The following CREM variants were observed in gnomAD, a reference collection of about 807,000 sequenced individuals.
CREM encodes cAMP responsive element modulator.
A neutral mutation model predicts 37.3 loss-of-function variants in CREM; 13 were observed. The observed-to-expected ratio is 0.35, with a 90% CI of 0.23 to 0.55. CREM has a LOEUF of 0.55. CREM is among the 20% of genes least tolerant of loss of function. The probability of loss-of-function intolerance (pLI) is 0.88; values close to 1 mark genes in which losing one functional copy is unlikely to be tolerated. For synonymous variants in CREM, 124 were observed against 120.2 expected (o/e 1.03, Z -0.21); for missense variants, 296 against 362.3 (o/e 0.82, Z 1.49).
intron 5 of CREM, among the ~76,000 whole-genome samples, chr10:35,186,342 CAATT>C (rs1287158282): frequency 2.0e-5 from 3 of 151,942 alleles, no homozygotes; most frequent in Non-Finnish European, 4.4e-5. Flanking sequence ...AGCTTCAAGT[CAATT>C]AATATGTTAA....
chr10:35,195,108 C>A, intron 6 of CREM: 2 of 1,461,608 alleles, frequency 1.4e-6, no homozygotes, highest in Non-Finnish European at 1.9e-6. Context: ...CCTGCTTATC[C>A]TGCACATGCT....
At chr10:35,163,555 C>T (rs1030329102) in intron 3 of CREM, among the ~76,000 whole-genome samples, 7 of 152,026 alleles carry the variant, frequency 4.6e-5, no homozygotes, top group Non-Finnish European at 8.8e-5. Context: ...TGCAGTGGCT[C>T]ACGTGTAATC....
In CREM at chr10:35,169,390, C is replaced by G. The variant is rs546374019; in HGVS notation, c.169-9499C>G. On this transcript the variant is annotated intron_variant, in intron 3 of 7. Coordinates refer to ENST00000685392, the MANE Select transcript of CREM (RefSeq NM_183011.2). The stretch of plus-strand genomic sequence containing the variant: ...GAATGGGAGTTCACTCATGATTTGG[C>G]TGTTTGTCTGTTACTGGTGTATAAG... Among the ~76,000 whole-genome samples the G allele has an allele frequency of 6.2e-3, 942 of 152,220 alleles. 12 individuals carry two copies. The highest frequency in any genetic ancestry group is 0.021 in the African/African-American group (892 of 41,526).
intron 6 of CREM, chr10:35,195,093 G>T (rs1441194616): frequency 2.3e-5 from 30 of 1,293,506 alleles, no homozygotes; most frequent in Non-Finnish European, 3.2e-5. Flanking sequence ...TGTGATGTCA[G>T]TCCTCCTGCT....
At chr10:35,201,853 T>C (rs1022971888) in intron 6 of CREM, among the ~76,000 whole-genome samples, 2 of 152,188 alleles carry the variant, frequency 1.3e-5, no homozygotes, top group Non-Finnish European at 2.9e-5. Context: ...TTAGCTATAA[T>C]AATGTAAGTT....
At chr10:35,169,113 C>T (rs540806098) in intron 3 of CREM, among the ~76,000 whole-genome samples, 2 of 152,052 alleles carry the variant, frequency 1.3e-5, no homozygotes, top group South Asian at 2.1e-4. Flanking sequence ...ACTTTAAAGT[C>T]GTTTTTTCCA....
chr10:35,157,401 C>T (rs1358627761), intron 3 of CREM, among the ~76,000 whole-genome samples: 1 of 151,980 alleles, frequency 6.6e-6, no homozygotes, highest in East Asian at 1.9e-4. Context: ...GAGGTTGAGG[C>T]AGGCGGATCG....
chr10:35,198,965 C>G (rs960137805), intron 6 of CREM, among the ~76,000 whole-genome samples: 1 of 152,000 alleles, frequency 6.6e-6, no homozygotes, highest in African/African-American at 2.4e-5. Context: ...GCCTGGCCAA[C>G]ATGGTGAAAG....
chr10:35,157,522 G>C (rs2092991968), intron 3 of CREM, among the ~76,000 whole-genome samples: 1 of 151,752 alleles, frequency 6.6e-6, no homozygotes, highest in African/African-American at 2.4e-5. Context: ...GTAAGTCCCA[G>C]CTACTTGGGA....
At chr10:35,155,636 T>G (rs968568027) in intron 3 of CREM, among the ~76,000 whole-genome samples, 2 of 151,932 alleles carry the variant, frequency 1.3e-5, no homozygotes, top group East Asian at 3.8e-4. Flanking sequence ...CTTTTCTTTT[T>G]TTTTTTGTAG....
intron 2 of CREM, among the ~76,000 whole-genome samples, chr10:35,145,160 CAAAA>C (rs34802396): frequency 1.5e-5 from 1 of 67,846 alleles, no homozygotes; most frequent in Admixed American, 1.7e-4. Context: ...GACACTGTCT[CAAAA>C]AAAAAAAAAA....
intron 3 of CREM, among the ~76,000 whole-genome samples, chr10:35,165,322 G>A (rs1254403983): frequency 2.0e-5 from 3 of 151,990 alleles, no homozygotes; most frequent in South Asian, 4.1e-4. Context: ...CTACCAGAGC[G>A]AGAACTCATG....
chr10:35,187,165 AT>A (rs1180538267), intron 5 of CREM, among the ~76,000 whole-genome samples: 2 of 42,790 alleles, frequency 4.7e-5, no homozygotes, highest in African/African-American at 8.0e-5. Flanking sequence ...AATATATATT[AT>A]ATATTAATAT....
At chr10:35,184,343 A>G (rs774833861) in intron 5 of CREM, among the ~76,000 whole-genome samples, 4 of 152,230 alleles carry the variant, frequency 2.6e-5, no homozygotes, top group East Asian at 1.9e-4. Flanking sequence ...TTGAAAGCAC[A>G]TGTTATGCTA....
intron 1 of CREM, among the ~76,000 whole-genome samples, chr10:35,136,236 C>CT (rs1589250901): frequency 6.6e-6 from 1 of 152,104 alleles, no homozygotes; most frequent in Non-Finnish European, 1.5e-5. Context: ...AGAAATTGGC[C>CT]TTTTTTCTAT....
In CREM at chr10:35,211,627, GT is replaced by G; in HGVS notation, c.*232del. 6.2e-7 allele frequency: 1 copy of G among 1,605,230 alleles called. No homozygotes were observed. The highest frequency in any genetic ancestry group is 8.5e-7 in the Non-Finnish European group (1 of 1,176,066). ...GTCAATAGCATGCAAAAAATGCTTT[GT>G]TTGCCCTTTGCTTCTGCTTTTTTTC... On this transcript the variant is annotated 3_prime_UTR_variant, in exon 8 of 8. Coordinates refer to ENST00000685392, the MANE Select transcript of CREM (RefSeq NM_183011.2).
chr10:35,171,668 A>G (rs973356190), intron 3 of CREM, among the ~76,000 whole-genome samples: 5 of 152,016 alleles, frequency 3.3e-5, no homozygotes, highest in African/African-American at 9.7e-5. Flanking sequence ...TGCCATCTCA[A>G]CCCACAGGTC....
At chr10:35,189,051 C>T (rs1158271898) in intron 6 of CREM, among the ~76,000 whole-genome samples, 3 of 152,122 alleles carry the variant, frequency 2.0e-5, no homozygotes, top group African/African-American at 7.2e-5. Context: ...ATTTCTATTA[C>T]CTAATCTATG....
At chr10:35,135,262 T>C (rs1013786380) in intron 1 of CREM, among the ~76,000 whole-genome samples, 1 of 152,234 alleles carries the variant, frequency 6.6e-6, no homozygotes, top group Non-Finnish European at 1.5e-5. Context: ...ATTACTTGCC[T>C]ATAACAAACT....
Sources: gnomAD v4.1 joint callset for allele counts (sites outside exome capture counted in the v4.1 genomes callset) on GRCh38, gnomAD v4.1.1 for gene constraint, MANE v1.5 for transcripts, NCBI Gene and HGNC (gene_info 2026-07-23, HGNC 2026-07-21) for gene names.